The following KRT4 variants were observed in gnomAD, a reference collection of about 807,000 sequenced individuals.
The protein encoded by KRT4 is keratin 4.
In KRT4, 47 loss-of-function variants were observed where a neutral mutation model predicts 50.6. That is an observed-to-expected ratio of 0.93 (90% CI 0.73 to 1.18). The LOEUF is 1.18. Among genes scored for constraint, KRT4 ranks in the 50% most tolerant of loss-of-function variants. The pLI, the probability that KRT4 is intolerant of heterozygous loss-of-function variation, is 0.00. For synonymous variants in KRT4, 254 were observed against 251.2 expected (o/e 1.01, Z -0.10); for missense variants, 651 against 645.7 (o/e 1.01, Z -0.09).
intron 7 of KRT4, 87 bp downstream of exon 7, chr12:52,807,538 AATGCACCGGCACAACACTG>A (rs1316573345): frequency 1.1e-5 from 16 of 1,496,826 alleles, no homozygotes; most frequent in Non-Finnish European, 1.4e-5. Flanking sequence ...CCTGGTTCGT[AATGCACCGGCACAACACTG>A]ATGCTTGCAG....
intron 3 of KRT4, among the ~76,000 whole-genome samples, chr12:52,810,319 A>C (rs991190455): frequency 3.9e-5 from 6 of 152,178 alleles, no homozygotes; most frequent in Non-Finnish European, 7.4e-5. Flanking sequence ...AGGCTGAGGC[A>C]GGCGGATGAC....
At chr12:52,809,948 T>C (rs189425519) in intron 3 of KRT4, among the ~76,000 whole-genome samples, 12 of 152,164 alleles carry the variant, frequency 7.9e-5, no homozygotes, top group East Asian at 1.9e-4. Flanking sequence ...TTATGTCTTT[T>C]TGCAGCAATG....
At chr12:52,808,888 A>G (rs1939857810) in intron 4 of KRT4, 38 bp from the exon 5 acceptor site, 2 of 1,611,456 alleles carry the variant, frequency 1.2e-6, no homozygotes, top group Non-Finnish European at 1.7e-6. Flanking sequence ...CCCCCAGGAA[A>G]GCCTTCACTG....
chr12:52,812,020 TG>T, intron 1 of KRT4, 43 bp from the exon 2 acceptor site: 4 of 1,540,864 alleles, frequency 2.6e-6, no homozygotes, highest in Non-Finnish European at 3.6e-6. Flanking sequence ...GGGCCTGAAG[TG>T]TGGCAGGAGG....
rs1477863355 is a variant in KRT4, at chr12:52,811,812, G to A, written c.628C>T (p.Gln210Ter). The change falls in exon 2 of 9, where the codon CAG (glutamine) becomes TAG (stop). Residue 210 changes from glutamine to a stop codon, truncating the protein, a stop_gained. Transcript: ENST00000551956. LOFTEE classifies it high-confidence loss of function. The stretch of plus-strand genomic sequence containing the variant: ...TCCTGCATGGTCTTCAGCTCAGACT[G>A]CAGGCGCCCTTTGTCATTGCCCAAG... ...DTLGNDKGRL[Q>*]SELKTMQDSV... 6.2e-7 allele frequency: 1 copy of A among 1,613,932 alleles called. No individual in the cohort carries two copies. The highest frequency in any genetic ancestry group is 8.5e-7 in the Non-Finnish European group (1 of 1,180,014).
chr12:52,807,484 C>T lies in KRT4; in HGVS notation c.1347-91G>A. On this transcript the variant is annotated intron_variant, in intron 7 of 8. Coordinates refer to ENST00000551956, the MANE Select transcript of KRT4 (RefSeq NM_002272.4). The stretch of plus-strand genomic sequence containing the variant: ...ACTCACCTCTCTTATCCTTGAGCAG[C>T]CTCTGAGTTTGAGGGCCCAGTGTGA... The T allele has an allele frequency of 5.2e-6, 8 of 1,551,482 alleles. No individual in the cohort carries two copies. The South Asian group carries it at 9.0e-5, about 17-fold the overall frequency.
At chr12:52,808,603 T>C (rs1480462719) in intron 5 of KRT4, 83 bp downstream of exon 5, 43 of 1,534,346 alleles carry the variant, frequency 2.8e-5, no homozygotes, top group Non-Finnish European at 3.7e-5. Context: ...CTATTGGGCT[T>C]GAGCTAATGA....
At position 52,813,943 on chromosome 12, in the gene KRT4, G is replaced by A. The variant is rs1195793164; in HGVS notation, c.116C>T (p.Ala39Val). Residue 39 changes from alanine (A) to valine (V), a missense_variant, in exon 1 of 9, where the codon GCT becomes GTT. Ala to Val is a moderately conservative substitution (Grantham distance 64). Coordinates refer to ENST00000551956, the MANE Select transcript of KRT4 (RefSeq NM_002272.4). ...AAATCCCCCAGAAGAGCATCGGCCA[G>A]CACCTCCAGACATGGAGACTGAGCT... Reference protein sequence around the residue: ...AFSSVSMSGGAGRCSSGGFGS... With the variant: ...AFSSVSMSGGVGRCSSGGFGS... The A allele has an allele frequency of 6.2e-7, 1 of 1,614,176 alleles. No homozygotes were observed. The highest frequency in any genetic ancestry group is 2.2e-5 in the East Asian group (1 of 44,860).
At chr12:52,808,901 C>G in intron 4 of KRT4, 51 bp from the exon 5 acceptor site, 1 of 1,589,488 alleles carries the variant, frequency 6.3e-7, no homozygotes, top group Non-Finnish European at 8.6e-7. Flanking sequence ...CTTCACTGAC[C>G]TGATACAGGC....
intron 7 of KRT4, 110 bp from the exon 8 acceptor site, chr12:52,807,503 A>T (rs987827062): frequency 1.3e-6 from 2 of 1,495,772 alleles, no homozygotes; most frequent in Non-Finnish European, 1.9e-6. Flanking sequence ...TTGAGGGCCC[A>T]GTGTGAACCT....
At position 52,807,217 on chromosome 12, in the gene KRT4, A is replaced by T; in HGVS notation, c.1415T>A (p.Ile472Asn). 2 of 1,614,192 alleles carry T rather than the reference A, an allele frequency of 1.2e-6. No homozygotes were observed. The highest frequency in any genetic ancestry group is 1.7e-6 in the Non-Finnish European group (2 of 1,180,034). ...GGAGCCACTTCCTAATCCTCCGCTG[A>T]TGCCTCCAGTGCTGGTGCTACCGCT... ...VVSGSTSTGG[I>N]SGGLGSGSGF... The change falls in exon 9 of 9, where the codon ATC becomes AAC. Residue 472 changes from isoleucine (I) to asparagine (N), a missense_variant. Physicochemically the swap from Ile to Asn is moderately radical, Grantham distance 149. Coordinates refer to ENST00000551956, the MANE Select transcript of KRT4 (RefSeq NM_002272.4).
At chr12:52,811,700 C>T (rs1049850976) in intron 2 of KRT4, 63 bp downstream of exon 2, 34 of 1,376,436 alleles carry the variant, frequency 2.5e-5, no homozygotes, top group Middle Eastern at 2.5e-4. Flanking sequence ...GAGAGAGCCC[C>T]GGGAGCCTGG....
In KRT4 at chr12:52,807,389, A is replaced by G; in HGVS notation, c.1351T>C (p.Ser451Pro). The G allele has an allele frequency of 6.2e-7, 1 of 1,614,194 alleles. No individual in the cohort carries two copies. Among genetic ancestry groups the G allele is most frequent in the Non-Finnish European group, 8.5e-7 (1 of 1,180,034 alleles). ...KLLEGEEYRM[S>P]GECQSAVSIS... ...CTCACGGCACTCTGGCATTCTCCAGACATTCTGTAGGGGAAAGAAAAGGCG... is the reference window on the plus strand; with the variant it reads ...CTCACGGCACTCTGGCATTCTCCAGGCATTCTGTAGGGGAAAGAAAAGGCG... Residue 451 changes from serine to proline, a missense_variant, in exon 8 of 9, where the codon TCT becomes CCT. Coordinates refer to ENST00000551956, the MANE Select transcript of KRT4 (RefSeq NM_002272.4).
Position 52,807,624 on chromosome 12 carries a change from C to T in KRT4, c.1346+20G>A. ...TGGACCTCTCTGGCCCTCATGTTCA[C>T]ACCCTGCCTAACCCCTCACCTGTAC... is the stretch of plus-strand genomic sequence containing the variant. On this transcript the variant is annotated intron_variant, in intron 7 of 8. Transcript: ENST00000551956. The T allele has an allele frequency of 6.2e-7, 1 of 1,612,432 alleles. No homozygotes were observed. Among genetic ancestry groups the T allele is most frequent in the South Asian group, 1.1e-5 (1 of 91,048 alleles).
Position 52,806,660 on chromosome 12 carries a change from C to T in KRT4, c.*409G>A. 3.6e-6 allele frequency: 1 copy of T among 278,292 alleles called. No homozygotes were observed. The allele number at this position is 278,292 out of a possible 1,614,324, so 17.2% of individuals were successfully genotyped here. On this transcript the variant is annotated 3_prime_UTR_variant, in exon 9 of 9. Coordinates refer to ENST00000551956, the MANE Select transcript of KRT4 (RefSeq NM_002272.4). Reference sequence around the variant, plus strand: ...CATCCTAAGCTTGCAGGGCCAAGTGCTGCCGGGTGTTGGAGAAGTAGTTTG... The same window carrying T: ...CATCCTAAGCTTGCAGGGCCAAGTGTTGCCGGGTGTTGGAGAAGTAGTTTG...
At chr12:52,811,725 A>G (rs1351811286) in intron 2 of KRT4, 38 bp downstream of exon 2, 4 of 1,545,212 alleles carry the variant, frequency 2.6e-6, no homozygotes, top group South Asian at 2.2e-5. Context: ...GGCTGGGCAC[A>G]TGTGTCAGAT....
chr12:52,813,517 T>C, intron 1 of KRT4, 80 bp downstream of exon 1: 5 of 1,253,874 alleles, frequency 4.0e-6, no homozygotes, highest in Non-Finnish European at 5.9e-6. Context: ...CCAGCACCTG[T>C]GGCAGGCTCA....
In KRT4 at chr12:52,814,000, G is replaced by T. The variant is rs373604363; in HGVS notation, c.59C>A (p.Ala20Asp). 15 of 1,613,884 alleles carry T rather than the reference G, an allele frequency of 9.3e-6. No individual in the cohort carries two copies. The African/African-American group carries it at 1.7e-4, about 19-fold the overall frequency. ...GGPRGFSCGS[A>D]IVGGGKRGAF... Reference sequence around the variant, plus strand: ...ACCTCTCTTGCCACCGCCTACAATGGCCGAGCCACAGCTGAAGCCCCGGGG... The same window carrying T: ...ACCTCTCTTGCCACCGCCTACAATGTCCGAGCCACAGCTGAAGCCCCGGGG... The change falls in exon 1 of 9, where the codon GCC (alanine) becomes GAC (aspartate). Residue 20 changes from alanine to aspartate, a missense_variant. Physicochemically the swap from Ala to Asp is moderately radical, Grantham distance 126. Transcript: ENST00000551956.
At chr12:52,809,266 C>T (rs1939863958) in intron 4 of KRT4, 117 bp downstream of exon 4, 1 of 812,998 alleles carries the variant, frequency 1.2e-6, no homozygotes, top group South Asian at 1.4e-5. Flanking sequence ...TTGATGAGAA[C>T]CCACTGCCCT....
Sources: allele counts gnomAD v4.1 joint callset (sites outside exome capture counted in the v4.1 genomes callset), GRCh38; gene constraint gnomAD v4.1.1; transcripts MANE v1.5; gene names NCBI Gene and HGNC (gene_info 2026-07-23, HGNC 2026-07-21).